SLC35B3: variants seen among roughly 807,000 people sequenced by gnomAD.
The protein encoded by SLC35B3 is solute carrier family 35 member B3.
A neutral mutation model predicts 44.1 loss-of-function variants in SLC35B3; 35 were observed. The ratio of observed to expected loss-of-function variants is 0.79; its 90% confidence interval spans 0.61 to 1.05. The LOEUF is 1.05. Among genes scored for constraint, SLC35B3 ranks in the 50% least tolerant of loss-of-function variants. SLC35B3 has a pLI of 0.00. For missense variants in SLC35B3, 414 were observed against 476.4 expected, an observed-to-expected ratio of 0.87 and a Z score of 1.22; for synonymous variants, 146 against 167.3, an observed-to-expected ratio of 0.87 and a Z score of 0.98.
chr6:8,413,815 G>T lies in SLC35B3; in HGVS notation c.1056-116C>A, dbSNP rs1039242019. ...TCTTCAGTGAAGTAAAATTCTATTAGAAGCCTACAATAATAGCATTAAAAT... is the reference window on the plus strand; with the variant it reads ...TCTTCAGTGAAGTAAAATTCTATTATAAGCCTACAATAATAGCATTAAAAT... On this transcript the variant is annotated intron_variant, in intron 10 of 10. Coordinates refer to ENST00000644923, the MANE Select transcript of SLC35B3 (RefSeq NM_001370476.2). The T allele has an allele frequency of 6.6e-6, 4 of 605,452 alleles. No homozygotes were observed. In the African/African-American group the frequency reaches 7.6e-5, roughly 11 times the overall value. 37.5% of individuals were successfully genotyped at this position (605,452 alleles called of 1,614,324 possible).
chr6:8,430,267 A>G, intron 2 of SLC35B3, 110 bp from the exon 2 acceptor site: 1 of 970,866 alleles, frequency 1.0e-6, no homozygotes. Flanking sequence ...CTCTCTGGAT[A>G]TTAGTATATT....
chr6:8,419,945 T>C lies in SLC35B3; in HGVS notation c.683-268A>G, dbSNP rs989718504. On this transcript the variant is annotated intron_variant, in intron 6 of 10. Coordinates refer to ENST00000644923, the MANE Select transcript of SLC35B3 (RefSeq NM_001370476.2). This position sits in a 1 kb window ranked among gnomAD's most constrained non-coding sequence, Gnocchi z 4.3. Reference sequence around the variant, plus strand: ...AATAGCGTATTAAATAACAGTTCCATAAATATTCTACTAGTCTAATAGTTC... The same window carrying C: ...AATAGCGTATTAAATAACAGTTCCACAAATATTCTACTAGTCTAATAGTTC... Among the ~76,000 whole-genome samples the C allele has an allele frequency of 6.6e-6, 1 of 151,990 alleles. No individual in the cohort carries two copies. Among genetic ancestry groups the C allele is most frequent in the Non-Finnish European group, 1.5e-5 (1 of 67,932 alleles).
chr6:8,427,488 G>C (rs899540227), intron 4 of SLC35B3, among the ~76,000 whole-genome samples: 1 of 152,184 alleles, frequency 6.6e-6, no homozygotes, highest in African/African-American at 2.4e-5. Context: ...ATGTTTGGAA[G>C]TTTCCACTTG....
At chr6:8,435,550 C>G, upstream of SLC35B3, 1 of 421,782 alleles carries the variant, frequency 2.4e-6, no homozygotes, top group East Asian at 7.2e-5. The surrounding 1 kb of genome is among the most constrained non-coding windows in gnomAD (Gnocchi z 5.5). Context: ...CTATGTGTCC[C>G]TGCGCGCGTG....
Position 8,413,506 on chromosome 6 carries a change from G to T in SLC35B3, c.*43C>A, listed in dbSNP as rs1762139084. On this transcript the variant is annotated 3_prime_UTR_variant, in exon 11 of 11. Coordinates refer to ENST00000644923, the MANE Select transcript of SLC35B3 (RefSeq NM_001370476.2). ...CCCTTTGGAAAGTTAATTAATTGATGATTGTTCCCTTAAAATTCTATTTTA... is the reference window on the plus strand; with the variant it reads ...CCCTTTGGAAAGTTAATTAATTGATTATTGTTCCCTTAAAATTCTATTTTA... 1.3e-6 allele frequency: 2 copies of T among 1,530,654 alleles called. No homozygotes were observed. The highest frequency in any genetic ancestry group is 2.3e-5 in the East Asian group (1 of 43,392). The allele number at this position is 1,530,654 out of a possible 1,614,324, so 94.8% of individuals were successfully genotyped here.
rs1444505595 is a variant in SLC35B3, at chr6:8,433,978, T to TA, written c.3+406dup. On this transcript the variant is annotated intron_variant, in intron 2 of 10. Coordinates refer to ENST00000644923, the MANE Select transcript of SLC35B3 (RefSeq NM_001370476.2). This position sits in a 1 kb window ranked among gnomAD's most constrained non-coding sequence, Gnocchi z 4.1. ...ATGGAATTAAAATTAGTTTTCAGAC[T>TA]AAATGATCAACATTGTGCTTTGCTT... Among the ~76,000 whole-genome samples, 1 of 151,626 alleles carries TA rather than the reference T, an allele frequency of 6.6e-6. No individual in the cohort carries two copies. The highest frequency in any genetic ancestry group is 1.5e-5 in the Non-Finnish European group (1 of 67,960).
intron 4 of SLC35B3, among the ~76,000 whole-genome samples, chr6:8,426,807 A>C (rs1005811352): frequency 1.3e-5 from 2 of 152,188 alleles, no homozygotes. Context: ...GCTCAGAAGA[A>C]GACAGGAAAA....
rs1355238003 is a variant in SLC35B3, at chr6:8,420,748, T to C, written c.655A>G (p.Thr219Ala). The C allele has an allele frequency of 6.2e-7, 1 of 1,613,066 alleles. No individual in the cohort carries two copies. The highest frequency in any genetic ancestry group is 2.2e-5 in the East Asian group (1 of 44,870). The change falls in exon 6 of 11, where the codon ACA becomes GCA. Residue 219 changes from threonine (T) to alanine (A), a missense_variant. Transcript: ENST00000644923. This position sits in a 1 kb window ranked among gnomAD's most constrained non-coding sequence, Gnocchi z 4.4. Reference sequence around the variant, plus strand: ...GTCAGGTTGAAATTTGGTGCAGTTGTGCTGTCAGCGAGGGTAAACCATATC... The same window carrying C: ...GTCAGGTTGAAATTTGGTGCAGTTGCGCTGTCAGCGAGGGTAAACCATATC...
At position 8,433,761 on chromosome 6, in the gene SLC35B3, T is replaced by C. The variant is rs566301490; in HGVS notation, c.3+624A>G. ...GCCCACCAAAGCCTTGCATTTAGAATGCTGTTTTATTAATAAGAACATCAC... is the reference window on the plus strand; with the variant it reads ...GCCCACCAAAGCCTTGCATTTAGAACGCTGTTTTATTAATAAGAACATCAC... On this transcript the variant is annotated intron_variant, in intron 2 of 10. Coordinates refer to ENST00000644923, the MANE Select transcript of SLC35B3 (RefSeq NM_001370476.2). The surrounding 1 kb of genome is among the most constrained non-coding windows in gnomAD (Gnocchi z 4.1). 3.9e-4 allele frequency among the ~76,000 whole-genome samples: 59 copies of C among 152,308 alleles called. 2 individuals are homozygous for C. The South Asian group carries it at 0.01, about 26-fold the overall frequency.
chr6:8,413,534 T>C lies in SLC35B3; in HGVS notation c.*15A>G, dbSNP rs1256061047. On this transcript the variant is annotated 3_prime_UTR_variant, in exon 11 of 11. Coordinates refer to ENST00000644923, the MANE Select transcript of SLC35B3 (RefSeq NM_001370476.2). The stretch of plus-strand genomic sequence containing the variant: ...TGTTCCCTTAAAATTCTATTTTAAA[T>C]AGGACAATCACTGTCTATACAGTCT... 2 of 1,583,504 alleles carry C rather than the reference T, an allele frequency of 1.3e-6. No homozygotes were observed. The highest frequency in any genetic ancestry group is 1.9e-5 in the Admixed American group (1 of 52,718).
In SLC35B3 at chr6:8,420,926, T is replaced by A. The variant is rs1581242426; in HGVS notation, c.575-98A>T. ...AGTAGAACATGGATTTGTTTTTTTATATCCAATGCCAAAAACGTGAACACT... is the reference window on the plus strand; with the variant it reads ...AGTAGAACATGGATTTGTTTTTTTAAATCCAATGCCAAAAACGTGAACACT... On this transcript the variant is annotated intron_variant, in intron 5 of 10. Coordinates refer to ENST00000644923, the MANE Select transcript of SLC35B3 (RefSeq NM_001370476.2). The surrounding 1 kb of genome is among the most constrained non-coding windows in gnomAD (Gnocchi z 4.4). 1.1e-6 allele frequency: 1 copy of A among 890,862 alleles called. No individual in the cohort carries two copies. Among genetic ancestry groups the A allele is most frequent in the Admixed American group, 2.7e-5 (1 of 36,912 alleles). 55.2% of individuals were successfully genotyped at this position (890,862 alleles called of 1,614,324 possible).
Position 8,429,660 on chromosome 6 carries a change from A to G in SLC35B3, c.297+204T>C, listed in dbSNP as rs574875692. ...ATGAAAATTTTTCAAGATAGTCTCT[A>G]CATATGCCTCCTCCCCACTTAAATT... On this transcript the variant is annotated intron_variant, in intron 3 of 10. Coordinates refer to ENST00000644923, the MANE Select transcript of SLC35B3 (RefSeq NM_001370476.2). The G allele has an allele frequency of 9.8e-4, 423 of 433,830 alleles. 4 individuals are homozygous for G. Among genetic ancestry groups the G allele is most frequent in the African/African-American group, 7.3e-3 (359 of 49,038 alleles). 26.9% of individuals were successfully genotyped at this position (433,830 alleles called of 1,614,324 possible).
At position 8,413,587 on chromosome 6, in the gene SLC35B3, C is replaced by T. The variant is rs770900545; in HGVS notation, c.1168G>A (p.Glu390Lys). The change falls in exon 11 of 11, where the codon GAA (glutamate) becomes AAA (lysine). Residue 390 changes from glutamate (E) to lysine (K), a missense_variant. Transcript: ENST00000644923. ...GCCAGCGTCCTTGACTTTCTTGCTTCCACTGATTTGTTTATCAAATCATAC... is the reference window on the plus strand; with the variant it reads ...GCCAGCGTCCTTGACTTTCTTGCTTTCACTGATTTGTTTATCAAATCATAC... 3.7e-6 allele frequency: 6 copies of T among 1,609,806 alleles called. No homozygotes were observed. In the Admixed American group the frequency reaches 5.0e-5, roughly 13 times the overall value.
Position 8,412,045 on chromosome 6 carries a change from G to A in SLC35B3, c.*1504C>T, listed in dbSNP as rs978011483. ...CAAAGTGATTGTATTAAGTGGTGGG[G>A]CCTTTTGGGAGGTGATAAGGTCATG... On this transcript the variant is annotated 3_prime_UTR_variant, in exon 11 of 11. Coordinates refer to ENST00000644923, the MANE Select transcript of SLC35B3 (RefSeq NM_001370476.2). Among the ~76,000 whole-genome samples the A allele has an allele frequency of 1.3e-5, 2 of 152,118 alleles. No individual in the cohort carries two copies. Among genetic ancestry groups the A allele is most frequent in the African/African-American group, 2.4e-5 (1 of 41,424 alleles).
intron 4 of SLC35B3, among the ~76,000 whole-genome samples, chr6:8,423,189 AT>A (rs1170738810): frequency 2.0e-5 from 3 of 152,172 alleles, no homozygotes; most frequent in African/African-American, 4.8e-5. Context: ...GTACCTTAAC[AT>A]TTTAAAACTA....
chr6:8,429,587 C>A (rs1328875231), intron 3 of SLC35B3, among the ~76,000 whole-genome samples: 2 of 152,106 alleles, frequency 1.3e-5, no homozygotes, highest in African/African-American at 4.8e-5. Context: ...TCATTGCTTT[C>A]TCTTGGAAGC....
chr6:8,429,002 A>C (rs1763705687), intron 3 of SLC35B3, among the ~76,000 whole-genome samples: 1 of 152,200 alleles, frequency 6.6e-6, no homozygotes, highest in Non-Finnish European at 1.5e-5. Flanking sequence ...TCTCTACAAG[A>C]CAATGAAAAA....
intron 5 of SLC35B3, among the ~76,000 whole-genome samples, chr6:8,421,876 G>A (rs923223984): frequency 6.6e-6 from 1 of 152,150 alleles, no homozygotes; most frequent in African/African-American, 2.4e-5. Flanking sequence ...CCTTTAATAC[G>A]TAAATATAGT....
chr6:8,419,572 G>C lies in SLC35B3; in HGVS notation c.780+8C>G. 1 of 1,417,436 alleles carries C rather than the reference G, an allele frequency of 7.1e-7. No individual in the cohort carries two copies. 87.8% of individuals were successfully genotyped at this position (1,417,436 alleles called of 1,614,324 possible). ...TCTAATTTGAAGAAAAAACACTAGA[G>C]TATTTACCATTTCAGAATTAGAAGC... On this transcript the variant is annotated splice_region_variant and intron_variant, in intron 7 of 10. Transcript: ENST00000644923. The surrounding 1 kb of genome is among the most constrained non-coding windows in gnomAD (Gnocchi z 4.3).
Sources: allele counts gnomAD v4.1 joint callset (sites outside exome capture counted in the v4.1 genomes callset), GRCh38; gene constraint gnomAD v4.1.1; non-coding constraint Gnocchi (gnomAD v3.1); transcripts MANE v1.5; gene names NCBI Gene and HGNC (gene_info 2026-07-23, HGNC 2026-07-21).